The following REV1 variants were observed in gnomAD, a reference collection of about 807,000 sequenced individuals.
REV1 encodes REV1 DNA directed polymerase.
A neutral mutation model predicts 137.4 loss-of-function variants in REV1; 42 were observed. The observed-to-expected ratio is 0.31, with a 90% confidence interval of 0.24 to 0.40. The LOEUF (loss-of-function observed/expected upper bound fraction) is 0.40. REV1 is among the 10% of genes least tolerant of loss of function. The pLI is 1.00. For synonymous variants in REV1, 524 were observed against 519.2 expected (o/e 1.01, Z -0.12); for missense variants, 1,282 against 1,490.1 (o/e 0.86, Z 2.30).
At chr2:99,451,206 T>C in intron 3 of REV1, 1 of 401,992 alleles carries the variant, frequency 2.5e-6, no homozygotes, top group Non-Finnish European at 3.6e-6. Flanking sequence ...ATCTAAAAAA[T>C]TAATTTGCAA....
chr2:99,405,079 G>T (rs1559280407), intron 17 of REV1: 2 of 185,758 alleles, frequency 1.1e-5, no homozygotes, highest in Non-Finnish European at 2.2e-5. Context: ...AACAGTCCTG[G>T]GTCAAAAGTT....
chr2:99,487,775 T>G lies in REV1; in HGVS notation c.-11+2042A>C, dbSNP rs563972955. 1.0e-4 allele frequency among the ~76,000 whole-genome samples: 12 copies of G among 118,630 alleles called. 4 individuals are homozygous for G. Among genetic ancestry groups the G allele is most frequent in the African/African-American group, 3.6e-4 (12 of 33,248 alleles). The allele number at this position is 118,630 out of a possible 152,430, so 77.8% of individuals were successfully genotyped here. ...TTTAGTGTAGGACTTGTTCATTTAT[T>G]TGGAGACGAGAGGTACCTGTCACCT... On this transcript the variant is annotated intron_variant, in intron 1 of 22. Transcript: ENST00000258428.
intron 10 of REV1, among the ~76,000 whole-genome samples, chr2:99,423,354 C>T (rs1016529749): frequency 1.3e-5 from 2 of 152,178 alleles, no homozygotes; most frequent in Non-Finnish European, 2.9e-5. Context: ...AAACCTTGGC[C>T]TAACATCCAG....
rs1687519131 is a variant in REV1, at chr2:99,489,820, C to G, written c.-14G>C. The G allele has an allele frequency of 2.0e-5, 3 of 149,046 alleles. No homozygotes were observed. Among genetic ancestry groups the G allele is most frequent in the Non-Finnish European group, 4.5e-5 (3 of 66,884 alleles). The allele number at this position is 149,046 out of a possible 1,614,324, so 9.2% of individuals were successfully genotyped here. ...CGCCGGCCCGGGGGTCGCTCACCTT[C>G]CGCGTTGCCCCAGACCACCATGCCC... On this transcript the variant is annotated 5_prime_UTR_variant, in exon 1 of 23. Coordinates refer to ENST00000258428, the MANE Select transcript of REV1 (RefSeq NM_016316.4).
intron 6 of REV1, among the ~76,000 whole-genome samples, chr2:99,436,995 T>G (rs1007549434): frequency 6.8e-4 from 102 of 150,996 alleles, no homozygotes; most frequent in Admixed American, 7.3e-4. Context: ...TTTTTGTTTT[T>G]TTTTTTTTTT....
In REV1 at chr2:99,439,103, C is replaced by T. The variant is rs1315943320; in HGVS notation, c.711G>A (p.Lys237=). Residue 237 remains lysine (K), a synonymous_variant, in exon 6 of 23, where the codon AAG becomes AAA. Transcript: ENST00000258428. ...CCATGGGCACCAAGCAATCCTGTGT[C>T]TTTAAGGCACCATTAGAGCTAGGAG... ...GHTPSSNGAL[K]TQDCLVPMVN... The T allele has an allele frequency of 3.7e-6, 6 of 1,614,152 alleles. No individual in the cohort carries two copies. In the East Asian group the frequency reaches 1.1e-4, roughly 30 times the overall value.
chr2:99,436,179 T>TA (rs1680723049), intron 6 of REV1, among the ~76,000 whole-genome samples: 1 of 152,192 alleles, frequency 6.6e-6, no homozygotes, highest in African/African-American at 2.4e-5. Flanking sequence ...GATTATTTTA[T>TA]AAAAATACAA....
chr2:99,429,948 G>T lies in REV1; in HGVS notation c.1439C>A (p.Ala480Glu). The T allele has an allele frequency of 6.5e-7, 1 of 1,549,904 alleles. No homozygotes were observed. Among genetic ancestry groups the T allele is most frequent in the Non-Finnish European group, 8.7e-7 (1 of 1,146,926 alleles). The change falls in exon 9 of 23, where the codon GCA becomes GAA. Residue 480 changes from alanine (A) to glutamate (E), a missense_variant and splice_region_variant. Around this residue, in one of 7 missense-constraint regions of REV1, gnomAD observed 432 missense variants for 438.0 expected, o/e 0.99. Transcript: ENST00000258428. ...YQNKILKGKA[A>E]DIPDSSLWEN... ...CCACAATGATGAATCTGGTATATCT[G>T]CTTTAAAAATAAAAAAAAATTAATG...
intron 3 of REV1, among the ~76,000 whole-genome samples, chr2:99,459,803 A>C (rs1036923195): frequency 6.6e-6 from 1 of 152,188 alleles, no homozygotes; most frequent in African/African-American, 2.4e-5. Flanking sequence ...GAAGGGAAGA[A>C]TAGGTTGACA....
chr2:99,429,113 G>A (rs1679785222), intron 9 of REV1, among the ~76,000 whole-genome samples: 1 of 151,242 alleles, frequency 6.6e-6, no homozygotes, highest in South Asian at 2.1e-4. Context: ...AGGTAAAAAT[G>A]TCTGTGTTTG....
At chr2:99,407,080 C>A (rs867675083) in intron 15 of REV1, among the ~76,000 whole-genome samples, 1 of 60,046 alleles carries the variant, frequency 1.7e-5, no homozygotes, top group Non-Finnish European at 2.9e-5. Flanking sequence ...TACAAAGGTT[C>A]TTTTTTTTTT....
chr2:99,467,838 G>A (rs1684981075), intron 1 of REV1, among the ~76,000 whole-genome samples: 1 of 152,178 alleles, frequency 6.6e-6, no homozygotes, highest in Admixed American at 6.5e-5. Context: ...CTGAAGTCAG[G>A]AGTTGGAGAC....
In REV1 at chr2:99,438,741, A is replaced by G. The variant is rs760568236; in HGVS notation, c.1073T>C (p.Leu358Pro). Residue 358 changes from leucine (L) to proline (P), a missense_variant, in exon 6 of 23, where the codon CTG (leucine) becomes CCG (proline). Coordinates refer to ENST00000258428, the MANE Select transcript of REV1 (RefSeq NM_016316.4). ...ACACTTCCACATTGATATGTGATGC[A>G]GTCTTGAATGAGAATAGAAGTTTGA... The part of the protein sequence containing the change: ...FISNFYSHSR[L>P]HHISMWKCEL... 5 of 1,614,146 alleles carry G rather than the reference A, an allele frequency of 3.1e-6. No individual in the cohort carries two copies. Among genetic ancestry groups the G allele is most frequent in the Non-Finnish European group, 4.2e-6 (5 of 1,179,956 alleles).
Position 99,442,349 on chromosome 2 carries a change from T to C in REV1, c.471A>G (p.Pro157=), listed in dbSNP as rs1681624221. Residue 157 remains proline (P), a synonymous_variant, in exon 5 of 23, where the codon CCA becomes CCG. Coordinates refer to ENST00000258428, the MANE Select transcript of REV1 (RefSeq NM_016316.4). ...TGTTGAGCTGTTTGGCTATATTGCT[T>C]GGACCTGGCAGAGGATCCTCAGGTC... ...VCRPEDPLPG[P]SNIAKQLNNR... The C allele has an allele frequency of 1.2e-6, 2 of 1,613,404 alleles. No homozygotes were observed. The highest frequency in any genetic ancestry group is 1.3e-5 in the African/African-American group (1 of 74,804).
rs1245175156 is a variant in REV1 at position 99,440,723 on chromosome 2, CAA to C, written c.504-1415_504-1414del. Among the ~76,000 whole-genome samples, 5 of 152,134 alleles carry C rather than the reference CAA, an allele frequency of 3.3e-5. No homozygotes were observed. In the East Asian group the frequency reaches 7.7e-4, roughly 23 times the overall value. ...CAGATGAGCATTTCAAAGAAATGTA[CAA>C]AATGTACTGAATATACCCCCCAAAA... is the stretch of plus-strand genomic sequence containing the variant. On this transcript the variant is annotated intron_variant, in intron 5 of 22. Transcript: ENST00000258428.
chr2:99,403,257 T>C (rs771636020), intron 19 of REV1, 151 bp from the exon 20 acceptor site: 559 of 647,322 alleles, frequency 8.6e-4, no homozygotes, highest in Non-Finnish European at 1.2e-3. Flanking sequence ...TGAATGGCAA[T>C]GGCCCAAAGT....
At chr2:99,456,266 G>A (rs1422514500) in intron 3 of REV1, among the ~76,000 whole-genome samples, 1 of 152,150 alleles carries the variant, frequency 6.6e-6, no homozygotes. Context: ...CAATGTGCCA[G>A]GCAAGGTTCT....
intron 10 of REV1, among the ~76,000 whole-genome samples, chr2:99,423,786 C>G (rs1022886480): frequency 7.2e-5 from 11 of 152,012 alleles, no homozygotes. Context: ...TAATTTTGAA[C>G]AAAACTATAA....
At chr2:99,466,249 CCT>C (rs1684786716) in intron 1 of REV1, among the ~76,000 whole-genome samples, 1 of 150,784 alleles carries the variant, frequency 6.6e-6, no homozygotes, top group Non-Finnish European at 1.5e-5. Context: ...CCGTGCCCGG[CCT>C]CTTTTTTTTG....
Sources: gnomAD v4.1 joint callset for allele counts (sites outside exome capture counted in the v4.1 genomes callset) on GRCh38, gnomAD v4.1.1 for gene constraint, gnomAD v4.1.1 regional missense constraint, MANE v1.5 for transcripts, NCBI Gene and HGNC (gene_info 2026-07-23, HGNC 2026-07-21) for gene names.